NCBP1: variants seen among roughly 807,000 people sequenced by gnomAD.
NCBP1 encodes the protein nuclear cap-binding protein subunit 1.
In NCBP1, 16 loss-of-function variants were observed where a neutral mutation model predicts 111.7. The observed-to-expected ratio is 0.14, with a 90% CI of 0.10 to 0.22. The LOEUF is 0.22. Among genes scored for constraint, NCBP1 ranks in the 10% least tolerant of loss-of-function variants. The pLI, the probability that NCBP1 is intolerant of heterozygous loss-of-function variation, is 1.00. For synonymous variants in NCBP1, 304 were observed against 314.3 expected, an observed-to-expected ratio of 0.97 and a Z score of 0.35; for missense variants, 607 against 957.5, an observed-to-expected ratio of 0.63 and a Z score of 4.83.
At chr9:97,662,830 A>C in intron 17 of NCBP1, 124 bp from the exon 18 acceptor site, 2 of 689,952 alleles carry the variant, frequency 2.9e-6, no homozygotes, top group South Asian at 2.0e-5. Context: ...TTAATGGTTA[A>C]TACTTAGTTA....
At position 97,672,539 on chromosome 9, in the gene NCBP1, T is replaced by C. The variant is rs1828222615; in HGVS notation, c.*1340T>C. On this transcript the variant is annotated 3_prime_UTR_variant, in exon 23 of 23. Coordinates refer to ENST00000375147, the MANE Select transcript of NCBP1 (RefSeq NM_002486.5). Reference sequence around the variant, plus strand: ...AAGGACTAAAACCCAGGTTCTTGGCTAAATGTTTTCGTTTATACTGTTTAT... The same window carrying C: ...AAGGACTAAAACCCAGGTTCTTGGCCAAATGTTTTCGTTTATACTGTTTAT... The C allele has an allele frequency of 6.6e-6, 1 of 152,198 alleles. No homozygotes were observed. The highest frequency in any genetic ancestry group is 1.5e-5 in the Non-Finnish European group (1 of 68,042). 9.4% of individuals were successfully genotyped at this position (152,198 alleles called of 1,614,324 possible).
chr9:97,645,568 A>T, intron 5 of NCBP1, 43 bp from the exon 6 acceptor site: 2 of 1,563,936 alleles, frequency 1.3e-6, no homozygotes, highest in Non-Finnish European at 1.8e-6. Context: ...GAATGAATAT[A>T]ATTAAAGCAT....
Position 97,672,192 on chromosome 9 carries a change from C to T in NCBP1, c.*993C>T, listed in dbSNP as rs983140173. 6.6e-6 allele frequency: 1 copy of T among 152,124 alleles called. No homozygotes were observed. Among genetic ancestry groups the T allele is most frequent in the Non-Finnish European group, 1.5e-5 (1 of 68,034 alleles). 9.4% of individuals were successfully genotyped at this position (152,124 alleles called of 1,614,324 possible). A position where few individuals can be genotyped will look rare whatever the true frequency, so the allele number is the denominator to read the frequency against. On this transcript the variant is annotated 3_prime_UTR_variant, in exon 23 of 23. Coordinates refer to ENST00000375147, the MANE Select transcript of NCBP1 (RefSeq NM_002486.5). ...ATAATACACAAATATGAGGAATTGTCTGACATTCCAAATTTCGAGGATTTT... is the reference window on the plus strand; with the variant it reads ...ATAATACACAAATATGAGGAATTGTTTGACATTCCAAATTTCGAGGATTTT...
chr9:97,641,571 T>C lies in NCBP1; in HGVS notation c.133T>C (p.Ser45Pro), dbSNP rs776693991. 6.2e-7 allele frequency: 1 copy of C among 1,608,374 alleles called. No individual in the cohort carries two copies. Among genetic ancestry groups the C allele is most frequent in the Non-Finnish European group, 8.5e-7 (1 of 1,175,764 alleles). Reference protein sequence around the residue: ...ICKVGEKSACSLESNLEGLAG... With the variant: ...ICKVGEKSACPLESNLEGLAG... ...GTGATGTCCTCTACAGAGTGCCTGC[T>C]CTTTGGAGAGCAACCTAGAAGGCTT... Residue 45 changes from serine to proline, a missense_variant, in exon 3 of 23, where the codon TCT becomes CCT. Ser to Pro is a moderately conservative substitution (Grantham distance 74). Around this residue, in one of 9 missense-constraint regions of NCBP1, gnomAD observed 185 missense variants for 272.0 expected, o/e 0.68. Coordinates refer to ENST00000375147, the MANE Select transcript of NCBP1 (RefSeq NM_002486.5).
Position 97,656,069 on chromosome 9 carries a change from C to G in NCBP1, c.1357C>G (p.Leu453Val). Residue 453 changes from leucine (L) to valine (V), a missense_variant, in exon 14 of 23, where the codon CTA becomes GTA. Physicochemically the swap from Leu to Val is conservative, Grantham distance 32. Coordinates refer to ENST00000375147, the MANE Select transcript of NCBP1 (RefSeq NM_002486.5). ...SPKPKFVREV[L>V]EKCMRLSYHQ... ...CAAACCGAAGTTTGTAAGAGAAGTT[C>G]TAGAAAAATGTATGAGGTAAGTTTT... The G allele has an allele frequency of 1.2e-6, 2 of 1,613,690 alleles. No individual in the cohort carries two copies. Among genetic ancestry groups the G allele is most frequent in the Non-Finnish European group, 1.7e-6 (2 of 1,179,696 alleles).
intron 4 of NCBP1, 67 bp downstream of exon 4, chr9:97,643,427 C>T: frequency 7.1e-7 from 1 of 1,401,706 alleles, no homozygotes; most frequent in Non-Finnish European, 9.5e-7. Flanking sequence ...TGAACTACAA[C>T]CAAATAATTT....
chr9:97,657,028 G>T (rs542589120), intron 14 of NCBP1, among the ~76,000 whole-genome samples: 1 of 152,148 alleles, frequency 6.6e-6, no homozygotes, highest in Non-Finnish European at 1.5e-5. Flanking sequence ...GAGTGCAGTG[G>T]CACGATCTCG....
At chr9:97,642,239 TTA>T (rs1827224379) in intron 3 of NCBP1, among the ~76,000 whole-genome samples, 2 of 152,120 alleles carry the variant, frequency 1.3e-5, no homozygotes, top group South Asian at 4.1e-4. Flanking sequence ...CTGAAATCCT[TTA>T]TTAAAATGGA....
intron 4 of NCBP1, among the ~76,000 whole-genome samples, chr9:97,644,244 C>T (rs1827276026): frequency 6.6e-6 from 1 of 152,170 alleles, no homozygotes; most frequent in Admixed American, 6.5e-5. Context: ...AGTCCAGACT[C>T]TTTAGCCTGA....
At chr9:97,665,434 A>G (rs536285937) in intron 19 of NCBP1, among the ~76,000 whole-genome samples, 3 of 152,300 alleles carry the variant, frequency 2.0e-5, no homozygotes, top group African/African-American at 4.8e-5. Context: ...ATCCTGCCCA[A>G]AGTCACACAA....
chr9:97,657,324 C>T (rs1407417896), intron 14 of NCBP1, among the ~76,000 whole-genome samples: 1 of 152,168 alleles, frequency 6.6e-6, no homozygotes, highest in Non-Finnish European at 1.5e-5. Context: ...TCTTCAGATT[C>T]CTTCAGTCTT....
At chr9:97,657,095 T>G (rs1293413905) in intron 14 of NCBP1, among the ~76,000 whole-genome samples, 1 of 152,188 alleles carries the variant, frequency 6.6e-6, no homozygotes, top group Non-Finnish European at 1.5e-5. Flanking sequence ...AGCCTCCTGG[T>G]AGCTGGGACT....
chr9:97,638,370 C>G (rs1827112831), intron 1 of NCBP1, among the ~76,000 whole-genome samples: 1 of 152,138 alleles, frequency 6.6e-6, no homozygotes, highest in East Asian at 1.9e-4. Context: ...AGTTGTTTCT[C>G]AGAAATCATA....
At chr9:97,652,163 C>T (rs188161011) in intron 10 of NCBP1, among the ~76,000 whole-genome samples, 117 of 152,302 alleles carry the variant, frequency 7.7e-4, no homozygotes, top group South Asian at 1.9e-3. Context: ...ACCACCACGC[C>T]CGGCTAATTT....
chr9:97,648,141 C>T lies in NCBP1; in HGVS notation c.815C>T (p.Thr272Ile). Residue 272 changes from threonine (T) to isoleucine (I), a missense_variant, in exon 8 of 23, where the codon ACA becomes ATA. Physicochemically the swap from Thr to Ile is moderately conservative, Grantham distance 89. Transcript: ENST00000375147. ...EALQHNLPPF[T>I]PPPHTEDSVY... is the part of the protein sequence containing the mutation. Reference sequence around the variant, plus strand: ...CTGCAGCACAATCTGCCTCCTTTTACACCACCTCCTCACACTGAAGATTCA... The same window carrying T: ...CTGCAGCACAATCTGCCTCCTTTTATACCACCTCCTCACACTGAAGATTCA... 1.9e-6 allele frequency: 3 copies of T among 1,614,180 alleles called. No homozygotes were observed. The highest frequency in any genetic ancestry group is 3.3e-4 in the Middle Eastern group (2 of 6,058).
intron 20 of NCBP1, among the ~76,000 whole-genome samples, chr9:97,668,599 G>A (rs1307095691): frequency 6.6e-6 from 1 of 152,002 alleles, no homozygotes; most frequent in South Asian, 2.1e-4. Flanking sequence ...TTGTTACCAA[G>A]ACAAGTGCCA....
Position 97,640,944 on chromosome 9 carries a change from T to A in NCBP1, c.123+62T>A, listed in dbSNP as rs190732801. Reference sequence around the variant, plus strand: ...AAGAATGTGGTTAACTGTGCTTTGATTAATTTTTGCAGCTGAAAAGTTGGA... The same window carrying A: ...AAGAATGTGGTTAACTGTGCTTTGAATAATTTTTGCAGCTGAAAAGTTGGA... On this transcript the variant is annotated intron_variant, in intron 2 of 22. Coordinates refer to ENST00000375147, the MANE Select transcript of NCBP1 (RefSeq NM_002486.5). 3.5e-4 allele frequency: 444 copies of A among 1,280,786 alleles called. 1 individual carries two copies. In the African/African-American group the frequency reaches 6.0e-3, roughly 17 times the overall value. 79.3% of individuals were successfully genotyped at this position (1,280,786 alleles called of 1,614,324 possible).
chr9:97,634,901 A>C (rs1345120255), intron 1 of NCBP1, among the ~76,000 whole-genome samples: 1 of 152,232 alleles, frequency 6.6e-6, no homozygotes, highest in Non-Finnish European at 1.5e-5. Context: ...TCTGTAATAC[A>C]GAAGTAATGA....
intron 12 of NCBP1, among the ~76,000 whole-genome samples, chr9:97,655,484 G>C (rs76461000): frequency 6.6e-6 from 1 of 152,056 alleles, no homozygotes; most frequent in African/African-American, 2.4e-5. Context: ...TAATAAACAT[G>C]TTAGGTGCCC....
Sources: gnomAD v4.1 joint callset for allele counts (sites outside exome capture counted in the v4.1 genomes callset) on GRCh38, gnomAD v4.1.1 for gene constraint, gnomAD v4.1.1 regional missense constraint, MANE v1.5 for transcripts, NCBI Gene and HGNC (gene_info 2026-07-23, HGNC 2026-07-21) for gene names.